Variants in FRMPD3 observed in about 807,000 individuals in gnomAD.
The protein encoded by FRMPD3 is FERM and PDZ domain containing 3.
A neutral mutation model predicts 97.9 loss-of-function variants in FRMPD3; 42 were observed. The observed-to-expected ratio is 0.43, with a 90% CI of 0.34 to 0.55. FRMPD3 has a LOEUF of 0.55. Ranked by LOEUF, FRMPD3 falls within the 20% of genes least tolerant of loss-of-function variation. The pLI is 0.03. For synonymous variants in FRMPD3, 577 were observed against 581.1 expected, an observed-to-expected ratio of 0.99 and a Z score of 0.10; for missense variants, 1,303 against 1,457.7, an observed-to-expected ratio of 0.89 and a Z score of 1.73.
intron 13 of FRMPD3, among the ~76,000 whole-genome samples, chrX:107,578,297 C>T (rs139269594): frequency 1.5e-3 from 166 of 111,794 alleles, no homozygotes; most frequent in Non-Finnish European, 2.6e-3. Flanking sequence ...TTTGTCATCC[C>T]ATCAGCACCC....
At chrX:107,556,441 C>A (rs1188582103) in intron 8 of FRMPD3, among the ~76,000 whole-genome samples, 1 of 111,173 alleles carries the variant, frequency 9.0e-6, no homozygotes, top group Non-Finnish European at 1.9e-5. Context: ...CAGCTGTATT[C>A]TTTCTTTTTT....
chrX:107,517,830 AAGGGAGGGAGGGAGGG>A (rs756926904), intron 1 of FRMPD3, among the ~76,000 whole-genome samples: 1 of 74,672 alleles, frequency 1.3e-5, no homozygotes, highest in East Asian at 4.8e-4. Context: ...GGAAGGAAGG[AAGGGAGGGAGGGAGGG>A]AGGGAGGGAG....
At chrX:107,544,634 A>C (rs1297396490) in intron 4 of FRMPD3, 1 of 111,420 alleles carries the variant, frequency 9.0e-6, no homozygotes, top group Non-Finnish European at 1.9e-5. Context: ...ACGCCCCCCC[A>C]AAGACAATGA....
At chrX:107,528,405 C>A (rs1048218829) in intron 2 of FRMPD3, among the ~76,000 whole-genome samples, 8 of 111,253 alleles carry the variant, frequency 7.2e-5, no homozygotes, top group African/African-American at 2.6e-4. Context: ...TCCATGAGGA[C>A]CTCTTCTGTT....
chrX:107,520,429 C>G (rs919736369), intron 1 of FRMPD3, among the ~76,000 whole-genome samples: 2 of 109,523 alleles, frequency 1.8e-5, no homozygotes, highest in African/African-American at 6.7e-5. Flanking sequence ...CACTTGAGCC[C>G]CAGAGTTCGA....
Position 107,602,714 on chromosome X carries a change from C to T in FRMPD3, c.4675C>T (p.Arg1559Cys), listed in dbSNP as rs373286272. 2.1e-5 allele frequency: 25 copies of T among 1,207,336 alleles called. No homozygotes were observed. Among genetic ancestry groups the T allele is most frequent in the African/African-American group, 7.0e-5 (4 of 57,485 alleles). ...TCSSSSPEAS[R>C]TQEIDLRVST... ...CAGCAGCAGCAGCCCTGAGGCCTCCCGCACTCAGGAGATTGACCTCCGTGT... is the reference window on the plus strand; with the variant it reads ...CAGCAGCAGCAGCCCTGAGGCCTCCTGCACTCAGGAGATTGACCTCCGTGT... Residue 1559 changes from arginine to cysteine, a missense_variant, in exon 15 of 15, where the codon CGC becomes TGC. Transcript: ENST00000683843.
chrX:107,517,998 G>T (rs1306308504), intron 1 of FRMPD3, among the ~76,000 whole-genome samples: 1 of 110,856 alleles, frequency 9.0e-6, no homozygotes, highest in Non-Finnish European at 1.9e-5. Context: ...TTCATCGAGG[G>T]ATGAGATATA....
chrX:107,532,386 G>A (rs1923007272), intron 3 of FRMPD3, among the ~76,000 whole-genome samples: 2 of 112,208 alleles, frequency 1.8e-5, no homozygotes, highest in African/African-American at 6.5e-5. Context: ...GACTGGAGTT[G>A]GTAAGGAAAG....
rs1337327964 is a variant in FRMPD3 at position 107,597,433 on chromosome X, C to T, written c.1554C>T (p.Pro518=). 4.1e-6 allele frequency: 5 copies of T among 1,209,172 alleles called. No homozygotes were observed. In the African/African-American group the frequency reaches 5.2e-5, roughly 13 times the overall value. Residue 518 remains proline, a synonymous_variant, in exon 14 of 15, where the codon CCC becomes CCT. Transcript: ENST00000683843. ...TSPRKSSRCT[P]PPADSELVSF... is the part of the protein sequence containing the mutation. ...CCAGGAAATCGAGCCGCTGCACGCC[C>T]CCACCTGCCGACTCTGAGCTTGTCA...
At chrX:107,510,906 CA>C (rs906769679) in intron 1 of FRMPD3, among the ~76,000 whole-genome samples, 3 of 112,375 alleles carry the variant, frequency 2.7e-5, no homozygotes, top group Non-Finnish European at 5.6e-5. Flanking sequence ...TGGAAGGAGT[CA>C]GGGGTTGCTC....
chrX:107,603,242 C>G lies in FRMPD3; in HGVS notation c.5203C>G (p.Gln1735Glu). ...GCAGCAACAACAACAGCAGCAGCAA[C>G]AACAACAGCAGCAGCAGCAGCAGCA... Reference protein sequence around the residue: ...QQQQQQQQQQQQQQQQQQQVA... With the variant: ...QQQQQQQQQQEQQQQQQQQVA... The change falls in exon 15 of 15, where the codon CAA becomes GAA. Residue 1735 changes from glutamine (Q) to glutamate (E), a missense_variant. Gln to Glu is a conservative substitution (Grantham distance 29, BLOSUM62 2). Coordinates refer to ENST00000683843, the MANE Select transcript of FRMPD3 (RefSeq NM_001388459.1). 1 of 1,166,618 alleles carries G rather than the reference C, an allele frequency of 8.6e-7. No individual in the cohort carries two copies. Among genetic ancestry groups the G allele is most frequent in the South Asian group, 1.9e-5 (1 of 52,750 alleles).
At chrX:107,484,054 G>A (rs2147519520) in intron 1 of FRMPD3, among the ~76,000 whole-genome samples, 1 of 112,308 alleles carries the variant, frequency 8.9e-6, no homozygotes, top group African/African-American at 3.2e-5. Context: ...GGAACTGGCT[G>A]TAGAAACCCC....
At chrX:107,558,927 C>T (rs1922225054) in intron 8 of FRMPD3, among the ~76,000 whole-genome samples, 1 of 110,718 alleles carries the variant, frequency 9.0e-6, no homozygotes, top group Non-Finnish European at 1.9e-5. Flanking sequence ...TCAAGTGATT[C>T]ACCTGCCTCA....
At chrX:107,526,446 C>T in intron 1 of FRMPD3, 136 bp from the exon 2 acceptor site, 1 of 443,208 alleles carries the variant, frequency 2.3e-6, no homozygotes, top group Non-Finnish European at 3.7e-6. Context: ...TCTCTGTTGG[C>T]TCCAGAGGAT....
intron 1 of FRMPD3, among the ~76,000 whole-genome samples, chrX:107,519,003 G>A (rs1922428240): frequency 8.9e-6 from 1 of 112,217 alleles, no homozygotes. Context: ...CCTCTTATAT[G>A]AGATACCTAC....
chrX:107,492,483 C>A (rs1051900716), intron 1 of FRMPD3, among the ~76,000 whole-genome samples: 7 of 111,592 alleles, frequency 6.3e-5, no homozygotes, highest in Non-Finnish European at 1.3e-4. Flanking sequence ...TTCTGGGTAC[C>A]AATGAGTTTG....
rs757552312 is a variant in FRMPD3, at chrX:107,600,570, C to G, written c.2531C>G (p.Pro844Arg). ...GRPDPNPSLQPIATGQSPGPP... is the reference protein window; with the variant it reads ...GRPDPNPSLQRIATGQSPGPP... ...CCGGATCCCAACCCATCTCTCCAAC[C>G]CATTGCCACAGGCCAGAGTCCTGGC... Residue 844 changes from proline (P) to arginine (R), a missense_variant, in exon 15 of 15, where the codon CCC (proline) becomes CGC (arginine). Physicochemically the swap from Pro to Arg is moderately radical, Grantham distance 103. Transcript: ENST00000683843. 3.3e-6 allele frequency: 4 copies of G among 1,211,081 alleles called. No homozygotes were observed. The highest frequency in any genetic ancestry group is 4.5e-6 in the Non-Finnish European group (4 of 895,407).
At position 107,576,280 on chromosome X, in the gene FRMPD3, C is replaced by T. The variant is rs1287752823; in HGVS notation, c.1297-35C>T. 10 of 1,198,846 alleles carry T rather than the reference C, an allele frequency of 8.3e-6. No homozygotes were observed. The Admixed American group carries it at 2.2e-4, about 27-fold the overall frequency. ...GAAAATGCATCTGCCTCCCTCCTTC[C>T]CATGTCTTCATGTTTCTTCCCTTCT... On this transcript the variant is annotated intron_variant, in intron 12 of 14. Coordinates refer to ENST00000683843, the MANE Select transcript of FRMPD3 (RefSeq NM_001388459.1).
Position 107,597,997 on chromosome X carries a change from A to T in FRMPD3, c.2118A>T (p.Pro706=). The part of the protein sequence containing the change: ...HLRGLLYDEI[P]VTLIDSVQTR... ...GTGGGCTTCTGTACGATGAGATTCC[A>T]GTGACATTGATTGACAGTGTGCAGA... is the stretch of plus-strand genomic sequence containing the variant. The change falls in exon 14 of 15, where the codon CCA becomes CCT. Residue 706 remains proline, a synonymous_variant. Transcript: ENST00000683843. The T allele has an allele frequency of 8.3e-7, 1 of 1,210,521 alleles. No individual in the cohort carries two copies.
Sources: gnomAD v4.1 joint callset for allele counts (sites outside exome capture counted in the v4.1 genomes callset) on GRCh38, gnomAD v4.1.1 for gene constraint, MANE v1.5 for transcripts, NCBI Gene and HGNC (gene_info 2026-07-23, HGNC 2026-07-21) for gene names.